Variants in NKTR observed in about 807,000 individuals in gnomAD.
NKTR encodes NK-tumor recognition protein.
NKTR carries 67 observed loss-of-function variants against 156.3 expected under a neutral mutation model. The observed-to-expected ratio is 0.43, with a 90% confidence interval of 0.35 to 0.53. NKTR has a LOEUF of 0.53. NKTR is among the 20% of genes least tolerant of loss of function. The probability of loss-of-function intolerance (pLI) is 0.01; values close to 1 mark genes in which losing one functional copy is unlikely to be tolerated. For missense variants in NKTR, 1,604 were observed against 1,730.9 expected (o/e 0.93, Z 1.30); for synonymous variants, 640 against 596.6 (o/e 1.07, Z -1.06).
rs1450310417 is a variant in NKTR at position 42,647,151 on chromosome 3, G to T, written c.*1176G>T. On this transcript the variant is annotated 3_prime_UTR_variant, in exon 17 of 17. Coordinates refer to ENST00000232978, the MANE Select transcript of NKTR (RefSeq NM_005385.4). ...TGACCTGCAGCTGACTCAAAGCCTTGCGTGACCTGACCCAGGTGCAAGAGA... is the reference window on the plus strand; with the variant it reads ...TGACCTGCAGCTGACTCAAAGCCTTTCGTGACCTGACCCAGGTGCAAGAGA... 6.6e-6 allele frequency: 1 copy of T among 152,116 alleles called. No homozygotes were observed. Among genetic ancestry groups the T allele is most frequent in the Non-Finnish European group, 1.5e-5 (1 of 68,056 alleles). The allele number at this position is 152,116 out of a possible 1,614,324, so 9.4% of individuals were successfully genotyped here. A position where few individuals can be genotyped will look rare whatever the true frequency, so the allele number is the denominator to read the frequency against.
chr3:42,619,767 C>T (rs1707735231), intron 5 of NKTR, 59 bp downstream of exon 5: 3 of 1,594,488 alleles, frequency 1.9e-6, no homozygotes, highest in Admixed American at 1.8e-5. Context: ...CAAGTTTGAT[C>T]ATATACTTTT....
chr3:42,600,955 C>T, intron 1 of NKTR, 29 bp from the exon 2 acceptor site: 1 of 1,476,492 alleles, frequency 6.8e-7, no homozygotes, highest in South Asian at 1.3e-5. Context: ...CGCCCCTGCC[C>T]TGACCGCTTT....
chr3:42,645,681 T>C (rs1710299693), intron 16 of NKTR, among the ~76,000 whole-genome samples: 2 of 152,034 alleles, frequency 1.3e-5, no homozygotes, highest in South Asian at 2.1e-4. Context: ...TGAAACTCCA[T>C]CTCAAAAAGA....
chr3:42,622,652 AGTT>A, intron 6 of NKTR, among the ~76,000 whole-genome samples: 1 of 152,058 alleles, frequency 6.6e-6, no homozygotes, highest in East Asian at 1.9e-4. Flanking sequence ...GACCTACAAC[AGTT>A]GTTCTCTTGT....
intron 12 of NKTR, among the ~76,000 whole-genome samples, chr3:42,635,951 A>G (rs1577558057): frequency 6.6e-6 from 1 of 152,104 alleles, no homozygotes; most frequent in Non-Finnish European, 1.5e-5. Context: ...TATATAGCAG[A>G]TTCTTTCCTA....
In NKTR at chr3:42,600,743, G is replaced by C. The variant is rs764462989; in HGVS notation, c.-59G>C. 246 of 333,726 alleles carry C rather than the reference G, an allele frequency of 7.4e-4. No individual in the cohort carries two copies. Among genetic ancestry groups the C allele is most frequent in the Non-Finnish European group, 1.2e-3 (223 of 182,966 alleles). 20.7% of individuals were successfully genotyped at this position (333,726 alleles called of 1,614,324 possible). Reference sequence around the variant, plus strand: ...CTGCAGTGGCAGTGCTTTCTCTTCTGCTCACGGGGACCCGCTCAGGCTGGA... The same window carrying C: ...CTGCAGTGGCAGTGCTTTCTCTTCTCCTCACGGGGACCCGCTCAGGCTGGA... On this transcript the variant is annotated 5_prime_UTR_variant, in exon 1 of 17. Coordinates refer to ENST00000232978, the MANE Select transcript of NKTR (RefSeq NM_005385.4).
At chr3:42,614,893 C>T (rs1414695862) in intron 2 of NKTR, among the ~76,000 whole-genome samples, 3 of 152,134 alleles carry the variant, frequency 2.0e-5, no homozygotes, top group African/African-American at 4.8e-5. Context: ...TTTAATCTTG[C>T]ACCTTGTTAT....
At chr3:42,616,831 C>T (rs1478004660) in intron 2 of NKTR, among the ~76,000 whole-genome samples, 1 of 152,202 alleles carries the variant, frequency 6.6e-6, no homozygotes, top group African/African-American at 2.4e-5. Context: ...ATGATCATAG[C>T]TCATTGCAGC....
Position 42,638,775 on chromosome 3 carries a change from A to T in NKTR, c.3071A>T (p.Glu1024Val). ...TGGCAGCCTCCACTAGAATTTGGTG[A>T]AGAGGAGGAGGAGGAGATTGATGAC... The part of the protein sequence containing the change: ...FHWQPPLEFG[E>V]EEEEEIDDKQ... Residue 1024 changes from glutamate to valine, a missense_variant, in exon 13 of 17, where the codon GAA becomes GTA. Glu to Val is a moderately radical substitution (Grantham distance 121). This residue lies in a region of NKTR where 1,255 missense variants were observed against 1,243.7 expected (regional missense o/e 1.01). Coordinates refer to ENST00000232978, the MANE Select transcript of NKTR (RefSeq NM_005385.4). The T allele has an allele frequency of 6.2e-7, 1 of 1,613,946 alleles. No homozygotes were observed. Among genetic ancestry groups the T allele is most frequent in the Non-Finnish European group, 8.5e-7 (1 of 1,179,996 alleles).
At chr3:42,642,652 C>T in intron 14 of NKTR, 56 bp downstream of exon 14, 1 of 1,223,374 alleles carries the variant, frequency 8.2e-7, no homozygotes, top group African/African-American at 1.5e-5. Flanking sequence ...CTTTTTAAGG[C>T]TACATAGGCA....
intron 7 of NKTR, chr3:42,630,798 A>G: frequency 1.5e-6 from 2 of 1,355,376 alleles, no homozygotes; most frequent in Non-Finnish European, 1.9e-6. Flanking sequence ...TCTCAGCAAT[A>G]TAATTCTTTT....
intron 13 of NKTR, among the ~76,000 whole-genome samples, chr3:42,642,073 G>T (rs1709936989): frequency 6.6e-6 from 1 of 152,040 alleles, no homozygotes; most frequent in African/African-American, 2.4e-5. Flanking sequence ...ATATATAGAT[G>T]TTCTACATTT....
At chr3:42,611,618 A>C (rs992246995) in intron 2 of NKTR, among the ~76,000 whole-genome samples, 2 of 151,814 alleles carry the variant, frequency 1.3e-5, no homozygotes, top group African/African-American at 4.8e-5. Flanking sequence ...CTATAATCCT[A>C]GCTACTCGGG....
intron 13 of NKTR, 126 bp downstream of exon 13, chr3:42,639,876 T>A (rs1709733293): frequency 1.2e-5 from 9 of 781,516 alleles, no homozygotes; most frequent in East Asian, 7.6e-5. Context: ...AAGTCTTGTT[T>A]TGTGTGATTC....
At chr3:42,613,963 A>T (rs150653558) in intron 2 of NKTR, among the ~76,000 whole-genome samples, 1 of 152,212 alleles carries the variant, frequency 6.6e-6, no homozygotes, top group South Asian at 2.1e-4. Context: ...ATCTATTGGC[A>T]TAACATTAAT....
chr3:42,604,798 C>T (rs897259644), intron 2 of NKTR, among the ~76,000 whole-genome samples: 2 of 148,814 alleles, frequency 1.3e-5, no homozygotes, highest in African/African-American at 2.5e-5. Context: ...AAGTGATTCT[C>T]GTGCCTCTGC....
chr3:42,610,946 A>G lies in NKTR; in HGVS notation c.59-6624A>G, dbSNP rs146414167. On this transcript the variant is annotated intron_variant, in intron 2 of 16. Coordinates refer to ENST00000232978, the MANE Select transcript of NKTR (RefSeq NM_005385.4). ...TATTGGGCCTGTTTTTTATCTGTAT[A>G]CTATCTTATAATTCTTTTTTCTAAA... Among the ~76,000 whole-genome samples, 1,434 of 152,138 alleles carry G rather than the reference A, an allele frequency of 9.4e-3. 5 individuals carry two copies. The highest frequency in any genetic ancestry group is 0.015 in the Non-Finnish European group (994 of 67,978).
intron 6 of NKTR, chr3:42,629,044 T>G: frequency 1.1e-6 from 1 of 892,872 alleles, no homozygotes; most frequent in Non-Finnish European, 1.3e-6. Flanking sequence ...CTTTACATCT[T>G]TCATATAATA....
At position 42,639,423 on chromosome 3, in the gene NKTR, C is replaced by G. The variant is rs772702094; in HGVS notation, c.3719C>G (p.Ala1240Gly). 3.1e-6 allele frequency: 5 copies of G among 1,613,988 alleles called. No individual in the cohort carries two copies. Among genetic ancestry groups the G allele is most frequent in the Non-Finnish European group, 3.4e-6 (4 of 1,179,970 alleles). ...QGVGNLAAPN[A>G]ATSSAVEVKV... ...GTGGGGAACCTGGCAGCACCTAATG[C>G]TGCCACATCCAGTGCTGTGGAAGTT... The change falls in exon 13 of 17, where the codon GCT becomes GGT. Residue 1240 changes from alanine (A) to glycine (G), a missense_variant. Physicochemically the swap from Ala to Gly is moderately conservative, Grantham distance 60. Coordinates refer to ENST00000232978, the MANE Select transcript of NKTR (RefSeq NM_005385.4).
Sources: allele counts gnomAD v4.1 joint callset (sites outside exome capture counted in the v4.1 genomes callset), GRCh38; gene constraint gnomAD v4.1.1; regional missense constraint gnomAD v4.1.1; transcripts MANE v1.5; gene names NCBI Gene and HGNC (gene_info 2026-07-23, HGNC 2026-07-21).